ELAPOR2: variants seen among roughly 807,000 people sequenced by gnomAD.
The protein encoded by ELAPOR2 is endosome-lysosome associated apoptosis and autophagy regulator family member 2, also known as endosome/lysosome-associated apoptosis and autophagy regulator family member 2.
In ELAPOR2, 89 loss-of-function variants were observed where a neutral mutation model predicts 120.7. That is an observed-to-expected ratio of 0.74 (90% confidence interval 0.62 to 0.88). ELAPOR2 has a LOEUF of 0.88. Ranked by LOEUF, ELAPOR2 falls within the 40% of genes least tolerant of loss-of-function variation. The pLI is 0.00. For synonymous variants in ELAPOR2, 444 were observed against 444.9 expected, an observed-to-expected ratio of 1.00 and a Z score of 0.03; for missense variants, 1,134 against 1,251.6, an observed-to-expected ratio of 0.91 and a Z score of 1.42.
At chr7:86,904,322 C>A (rs745605544) in intron 18 of ELAPOR2, among the ~76,000 whole-genome samples, 1 of 152,112 alleles carries the variant, frequency 6.6e-6, no homozygotes, top group Non-Finnish European at 1.5e-5. Flanking sequence ...AAAAGGAGAG[C>A]CTTCAGTTCC....
chr7:87,046,087 T>G (rs1045059585), intron 1 of ELAPOR2, among the ~76,000 whole-genome samples: 1 of 151,970 alleles, frequency 6.6e-6, no homozygotes, highest in East Asian at 1.9e-4. Flanking sequence ...TTAGGACTGA[T>G]AAAAAAAATT....
intron 8 of ELAPOR2, among the ~76,000 whole-genome samples, chr7:86,930,568 C>T (rs1790283074): frequency 6.6e-6 from 1 of 151,896 alleles, no homozygotes; most frequent in Admixed American, 6.6e-5. Flanking sequence ...CATTAAAAGG[C>T]AAATAAAATA....
chr7:86,901,293 T>C (rs1788713965), intron 18 of ELAPOR2, among the ~76,000 whole-genome samples: 1 of 152,214 alleles, frequency 6.6e-6, no homozygotes. Context: ...TGGATGGCCC[T>C]GGCAATATGT....
intron 21 of ELAPOR2, among the ~76,000 whole-genome samples, chr7:86,882,927 C>T (rs1338713694): frequency 6.6e-6 from 1 of 152,096 alleles, no homozygotes; most frequent in African/African-American, 2.4e-5. Flanking sequence ...AGGTTTTCCT[C>T]ACCTTGTCAC....
chr7:87,044,177 C>T lies in ELAPOR2; in HGVS notation c.189+15148G>A, dbSNP rs1314485776. 1.5e-4 allele frequency among the ~76,000 whole-genome samples: 17 copies of T among 117,206 alleles called. No individual in the cohort carries two copies. The South Asian group carries it at 3.0e-3, about 21-fold the overall frequency. 76.9% of individuals were successfully genotyped at this position (117,206 alleles called of 152,430 possible). A position where few individuals can be genotyped will look rare whatever the true frequency, so the allele number is the denominator to read the frequency against. The stretch of plus-strand genomic sequence containing the variant: ...AATCAATATCGTGAAAATGGCCATA[C>T]TGCCCAAGGCAATTTACAGATTCAA... On this transcript the variant is annotated intron_variant, in intron 1 of 21. Coordinates refer to ENST00000450689, the MANE Select transcript of ELAPOR2 (RefSeq NM_001142749.3).
chr7:86,898,559 C>CAAAAAA (rs11418158), intron 18 of ELAPOR2, among the ~76,000 whole-genome samples: 9 of 66,574 alleles, frequency 1.4e-4, no homozygotes, highest in Non-Finnish European at 2.4e-4. Context: ...ACACAATGAC[C>CAAAAAA]AAAAAAAAAA....
intron 18 of ELAPOR2, among the ~76,000 whole-genome samples, chr7:86,905,221 A>G (rs921933693): frequency 1.3e-5 from 2 of 151,730 alleles, no homozygotes; most frequent in African/African-American, 4.8e-5. Context: ...AGAGAGGAAG[A>G]GAAGAGAAGA....
At chr7:86,897,160 A>G (rs961983819) in intron 19 of ELAPOR2, among the ~76,000 whole-genome samples, 1 of 152,092 alleles carries the variant, frequency 6.6e-6, no homozygotes, top group Non-Finnish European at 1.5e-5. Flanking sequence ...CTTTTTAGGC[A>G]TGCTTCTTAT....
chr7:86,891,969 T>A (rs562139339), intron 20 of ELAPOR2, 80 bp from the exon 21 acceptor site: 908 of 902,272 alleles, frequency 1.0e-3, no homozygotes, highest in Non-Finnish European at 1.3e-3. Context: ...GGTGGTAATA[T>A]ACCAGCTCAT....
chr7:86,944,768 A>T, intron 4 of ELAPOR2, 131 bp downstream of exon 4: 1 of 634,560 alleles, frequency 1.6e-6, no homozygotes, highest in South Asian at 2.7e-5. Flanking sequence ...TTTTAACATC[A>T]AAAGGTTCAG....
chr7:86,944,098 T>C (rs1391933821), intron 4 of ELAPOR2, among the ~76,000 whole-genome samples: 5 of 152,080 alleles, frequency 3.3e-5, no homozygotes, highest in Non-Finnish European at 7.4e-5. Flanking sequence ...TTAGTACATT[T>C]GTTTCTGAAA....
chr7:86,909,519 T>C (rs1031336994), intron 16 of ELAPOR2, among the ~76,000 whole-genome samples: 4 of 152,124 alleles, frequency 2.6e-5, no homozygotes, highest in African/African-American at 4.8e-5. Context: ...TTTTTAGTTT[T>C]GATTTTTAAA....
intron 1 of ELAPOR2, among the ~76,000 whole-genome samples, chr7:87,025,128 T>A (rs961472997): frequency 6.6e-6 from 1 of 152,050 alleles, no homozygotes; most frequent in Non-Finnish European, 1.5e-5. Context: ...TCTTGAGGAA[T>A]ACTAAGTATT....
chr7:86,963,805 T>C (rs1791804989), intron 2 of ELAPOR2, among the ~76,000 whole-genome samples: 1 of 152,178 alleles, frequency 6.6e-6, no homozygotes, highest in African/African-American at 2.4e-5. Flanking sequence ...CATCAACTTC[T>C]TCTATACAGA....
At chr7:86,909,654 A>ACTAGTAGG (rs1789201277) in intron 16 of ELAPOR2, among the ~76,000 whole-genome samples, 158 bp downstream of exon 16, 1 of 152,132 alleles carries the variant, frequency 6.6e-6, no homozygotes. Context: ...AATAGTCCCC[A>ACTAGTAGG]CTAGTAGGAG....
At chr7:87,025,778 A>T (rs994333720) in intron 1 of ELAPOR2, among the ~76,000 whole-genome samples, 5 of 152,186 alleles carry the variant, frequency 3.3e-5, no homozygotes, top group African/African-American at 7.2e-5. Flanking sequence ...CATTTCAAGT[A>T]AAATCAAATT....
intron 18 of ELAPOR2, among the ~76,000 whole-genome samples, chr7:86,899,641 AT>A (rs962145749): frequency 8.5e-5 from 13 of 152,148 alleles, no homozygotes; most frequent in African/African-American, 2.4e-4. Context: ...TAAAAAAAAA[AT>A]CTACATGTCT....
intron 1 of ELAPOR2, among the ~76,000 whole-genome samples, chr7:87,000,191 AAC>A (rs575182467): frequency 7.9e-6 from 1 of 126,282 alleles, no homozygotes; most frequent in Admixed American, 7.5e-5. Context: ...GACATCTTTA[AAC>A]ACACACACAC....
intron 18 of ELAPOR2, among the ~76,000 whole-genome samples, chr7:86,903,906 C>T (rs369962270): frequency 1.3e-5 from 2 of 152,212 alleles, no homozygotes; most frequent in South Asian, 2.1e-4. Context: ...AAGAAGGCAC[C>T]AATAACTTGT....
Sources: allele counts gnomAD v4.1 joint callset (sites outside exome capture counted in the v4.1 genomes callset), GRCh38; gene constraint gnomAD v4.1.1; transcripts MANE v1.5; gene names NCBI Gene and HGNC (gene_info 2026-07-23, HGNC 2026-07-21).